The following PPP1R13B variants were observed in gnomAD, a reference collection of about 807,000 sequenced individuals.
PPP1R13B encodes the protein apoptosis-stimulating of p53 protein 1.
A neutral mutation model predicts 119.8 loss-of-function variants in PPP1R13B; 44 were observed. The observed-to-expected ratio is 0.37, with a 90% confidence interval of 0.29 to 0.47. PPP1R13B has a LOEUF of 0.47. Among genes scored for constraint, PPP1R13B ranks in the 20% least tolerant of loss-of-function variants. The pLI, the probability that PPP1R13B is intolerant of heterozygous loss-of-function variation, is 0.99. For missense variants in PPP1R13B, 1,227 were observed against 1,413.5 expected (o/e 0.87, Z 2.12); for synonymous variants, 542 against 561.5 (o/e 0.97, Z 0.49).
chr14:103,739,889 G>A lies in PPP1R13B; in HGVS notation c.2527C>T (p.Pro843Ser). The change falls in exon 12 of 17, where the codon CCA (proline) becomes TCA (serine). Residue 843 changes from proline (P) to serine (S), a missense_variant. By Grantham distance (74) the Pro-to-Ser change is moderately conservative. Coordinates refer to ENST00000202556, the MANE Select transcript of PPP1R13B (RefSeq NM_015316.3). Reference protein sequence around the residue: ...IPSPVAEAPSPGEEQVPPAPL... With the variant: ...IPSPVAEAPSSGEEQVPPAPL... The stretch of plus-strand genomic sequence containing the variant: ...GCTGGAGGGACCTGCTCTTCCCCTG[G>A]AGATGGGGCCTCAGCCACAGGACTC... 6.2e-7 allele frequency: 1 copy of A among 1,613,914 alleles called. No homozygotes were observed. The highest frequency in any genetic ancestry group is 8.5e-7 in the Non-Finnish European group (1 of 1,180,008).
chr14:103,787,525 A>G (rs1408794891), intron 2 of PPP1R13B, among the ~76,000 whole-genome samples: 1 of 151,618 alleles, frequency 6.6e-6, no homozygotes, highest in Admixed American at 6.6e-5. Context: ...TATAAAAAAA[A>G]AAAACCCTAG....
chr14:103,833,226 C>CTCACATCT (rs2086698916), intron 1 of PPP1R13B, among the ~76,000 whole-genome samples: 2 of 152,170 alleles, frequency 1.3e-5, no homozygotes. Flanking sequence ...ATACACTTCC[C>CTCACATCT]TCACATCTGG....
intron 3 of PPP1R13B, among the ~76,000 whole-genome samples, chr14:103,781,887 C>T (rs183322840): frequency 1.6e-4 from 24 of 152,186 alleles, no homozygotes; most frequent in African/African-American, 5.5e-4. Flanking sequence ...CTCCTGACCT[C>T]GTGATCCAAC....
At chr14:103,800,653 AAAAAAACAAAAAAAAC>A (rs2085877831) in intron 1 of PPP1R13B, among the ~76,000 whole-genome samples, 1 of 134,418 alleles carries the variant, frequency 7.4e-6, no homozygotes, top group Non-Finnish European at 1.7e-5. Context: ...AGACTGTCTC[AAAAAAACAAAAAAAAC>A]AAAAAACAAA....
intron 2 of PPP1R13B, among the ~76,000 whole-genome samples, chr14:103,792,169 C>CGTGTGTGTAT (rs368667036): frequency 2.9e-5 from 4 of 137,172 alleles, no homozygotes; most frequent in Non-Finnish European, 6.4e-5. Context: ...CTCTATTCAT[C>CGTGTGTGTAT]GTGTGTGTGT....
intron 1 of PPP1R13B, among the ~76,000 whole-genome samples, chr14:103,800,812 C>T (rs1008574757): frequency 6.6e-6 from 1 of 151,938 alleles, no homozygotes; most frequent in Admixed American, 6.6e-5. Context: ...CCACTAATCT[C>T]CCCCGACTCT....
At chr14:103,746,773 C>A in intron 8 of PPP1R13B, 1 of 434,050 alleles carries the variant, frequency 2.3e-6, no homozygotes, top group East Asian at 3.9e-5. Context: ...CCATCTGGAG[C>A]TGTACACATG....
intron 1 of PPP1R13B, among the ~76,000 whole-genome samples, chr14:103,811,236 C>T (rs2086149101): frequency 6.6e-6 from 1 of 151,954 alleles, no homozygotes; most frequent in Non-Finnish European, 1.5e-5. Context: ...TCTTAGTGGG[C>T]TCTAAAATCA....
intron 1 of PPP1R13B, among the ~76,000 whole-genome samples, chr14:103,824,846 A>G (rs896365051): frequency 2.6e-5 from 4 of 152,220 alleles, no homozygotes; most frequent in Non-Finnish European, 4.4e-5. Context: ...CACATCTTTC[A>G]CAATGCCCTG....
chr14:103,747,537 A>T (rs2084416801), intron 8 of PPP1R13B: 1 of 151,636 alleles, frequency 6.6e-6, no homozygotes, highest in Non-Finnish European at 1.5e-5. Context: ...TTTAATTTCC[A>T]TAGGTTTTTG....
chr14:103,762,063 T>TAC (rs2084820128), intron 4 of PPP1R13B, among the ~76,000 whole-genome samples: 1 of 152,228 alleles, frequency 6.6e-6, no homozygotes, highest in Non-Finnish European at 1.5e-5. Context: ...CTCTCTTGTT[T>TAC]AGCTTTTGTG....
chr14:103,795,798 C>T (rs1292191892), intron 2 of PPP1R13B, among the ~76,000 whole-genome samples: 1 of 152,194 alleles, frequency 6.6e-6, no homozygotes, highest in Non-Finnish European at 1.5e-5. Context: ...CCTTTTACTT[C>T]TAATTTAGTA....
At chr14:103,814,965 A>AG (rs1162007494) in intron 1 of PPP1R13B, among the ~76,000 whole-genome samples, 2 of 152,148 alleles carry the variant, frequency 1.3e-5, no homozygotes, top group Non-Finnish European at 2.9e-5. Flanking sequence ...ACAAAAGGAA[A>AG]GAAAAAAAAT....
At chr14:103,844,149 C>G (rs1447090971) in intron 1 of PPP1R13B, among the ~76,000 whole-genome samples, 3 of 151,912 alleles carry the variant, frequency 2.0e-5, no homozygotes, top group Admixed American at 6.6e-5. Context: ...TGTCTGTGGT[C>G]CCAGCTACTC....
In PPP1R13B at chr14:103,831,673, C is replaced by T. The variant is rs551122243; in HGVS notation, c.9+15626G>A. ...AATTGTGGCCGGGCGCAGTGGCTCA[C>T]GCCTATAATCCCAGCACTTTGGGAG... On this transcript the variant is annotated intron_variant, in intron 1 of 16. Transcript: ENST00000202556. 1.3e-4 allele frequency among the ~76,000 whole-genome samples: 19 copies of T among 151,626 alleles called. No individual in the cohort carries two copies. In the East Asian group the frequency reaches 2.7e-3, roughly 22 times the overall value.
At chr14:103,802,420 T>C (rs1209636155) in intron 1 of PPP1R13B, among the ~76,000 whole-genome samples, 1 of 152,202 alleles carries the variant, frequency 6.6e-6, no homozygotes, top group Non-Finnish European at 1.5e-5. Flanking sequence ...TTCCCTTATA[T>C]GCTATTCCTA....
At chr14:103,848,451 A>AG (rs1459132814), upstream of PPP1R13B, 1 of 985,430 alleles carries the variant, frequency 1.0e-6, no homozygotes, top group African/African-American at 1.7e-5. Flanking sequence ...AAAGGCTGCC[A>AG]GGGGGGTAGG....
At position 103,740,653 on chromosome 14, in the gene PPP1R13B, A is replaced by G. The variant is rs953838428; in HGVS notation, c.1823-60T>C. 21 of 1,340,408 alleles carry G rather than the reference A, an allele frequency of 1.6e-5. No homozygotes were observed. The highest frequency in any genetic ancestry group is 2.0e-5 in the Non-Finnish European group (20 of 1,020,174). The allele number at this position is 1,340,408 out of a possible 1,614,324, so 83.0% of individuals were successfully genotyped here. On this transcript the variant is annotated intron_variant, in intron 11 of 16. Coordinates refer to ENST00000202556, the MANE Select transcript of PPP1R13B (RefSeq NM_015316.3). This position sits in a 1 kb window ranked among gnomAD's most constrained non-coding sequence, Gnocchi z 4.6. ...TCACTACAGAGATCTAGTCATACAC[A>G]CCTATGATTACACCAGAGACAGGCT...
At chr14:103,792,097 C>T (rs1425558846) in intron 2 of PPP1R13B, among the ~76,000 whole-genome samples, 1 of 151,608 alleles carries the variant, frequency 6.6e-6, no homozygotes, top group African/African-American at 2.4e-5. Flanking sequence ...TGAACATAAC[C>T]TAATAAAAAT....
Sources: gnomAD v4.1 joint callset for allele counts (sites outside exome capture counted in the v4.1 genomes callset) on GRCh38, gnomAD v4.1.1 for gene constraint, Gnocchi (gnomAD v3.1) non-coding constraint, MANE v1.5 for transcripts, NCBI Gene and HGNC (gene_info 2026-07-23, HGNC 2026-07-21) for gene names.